Variants in GEN1 observed in about 807,000 individuals in gnomAD.
The protein encoded by GEN1 is GEN1 structure-specific endonuclease, also known as flap endonuclease GEN homolog 1.
Under a neutral mutation model 67.6 loss-of-function variants are expected in GEN1, and 64 were observed. The observed-to-expected ratio is 0.95, with a 90% CI of 0.77 to 1.17. The LOEUF (loss-of-function observed/expected upper bound fraction) is 1.17, where lower values mean the gene tolerates loss of function less well. Among genes scored for constraint, GEN1 ranks in the 50% most tolerant of loss-of-function variants. GEN1 has a pLI of 0.00. For synonymous variants in GEN1, 371 were observed against 359.4 expected, an observed-to-expected ratio of 1.03 and a Z score of -0.37; for missense variants, 1,058 against 1,048.3, an observed-to-expected ratio of 1.01 and a Z score of -0.13.
intron 11 of GEN1, among the ~76,000 whole-genome samples, chr2:17,774,778 A>AG (rs772822205): frequency 2.0e-5 from 3 of 151,768 alleles, no homozygotes; most frequent in Non-Finnish European, 4.4e-5. Context: ...ATCGCTTCAG[A>AG]GAAAAAAAAA....
intron 3 of GEN1, among the ~76,000 whole-genome samples, chr2:17,762,094 T>C (rs2125122707): frequency 6.6e-6 from 1 of 151,792 alleles, no homozygotes; most frequent in East Asian, 1.9e-4. Flanking sequence ...TATATGTTAC[T>C]TTAATATTGC....
intron 1 of GEN1, chr2:17,755,355 C>G (rs1671371726): frequency 6.6e-6 from 1 of 152,196 alleles, no homozygotes; most frequent in African/African-American, 2.4e-5. Flanking sequence ...TGCAGTCTCA[C>G]TTACCCTACT....
chr2:17,773,862 TGACAGCCACATTAAGAAC>T (rs1355525500), intron 10 of GEN1, among the ~76,000 whole-genome samples: 2 of 152,118 alleles, frequency 1.3e-5, no homozygotes, highest in South Asian at 2.1e-4. Context: ...CTGTAAGTAA[TGACAGCCACATTAAGAAC>T]GACAGCCACA....
chr2:17,780,158 C>G, intron 13 of GEN1, 37 bp downstream of exon 13: 1 of 1,557,448 alleles, frequency 6.4e-7, no homozygotes, highest in Non-Finnish European at 8.8e-7. Context: ...ATGCCACATG[C>G]AAATGTTATA....
intron 3 of GEN1, among the ~76,000 whole-genome samples, chr2:17,762,127 CTT>C (rs1000760787): frequency 2.0e-5 from 3 of 149,074 alleles, no homozygotes; most frequent in Non-Finnish European, 4.4e-5. Context: ...TTGTATGAAA[CTT>C]AAGAAAGAAA....
intron 3 of GEN1, among the ~76,000 whole-genome samples, chr2:17,764,238 A>G (rs555095898): frequency 6.6e-6 from 1 of 152,358 alleles, no homozygotes; most frequent in East Asian, 1.9e-4. Flanking sequence ...TTCATTGTAC[A>G]GGGAAGGCAA....
chr2:17,781,805 A>T lies in GEN1; in HGVS notation c.2593A>T (p.Ser865Cys). The T allele has an allele frequency of 1.2e-6, 2 of 1,612,570 alleles. No homozygotes were observed. The highest frequency in any genetic ancestry group is 1.7e-6 in the Non-Finnish European group (2 of 1,179,398). ...RSYETAENEE[S>C]CFPDSTKSSL... ...TTATGAAACAGCTGAAAATGAAGAAAGCTGTTTCCCAGATTCAACAAAAAG... is the reference window on the plus strand; with the variant it reads ...TTATGAAACAGCTGAAAATGAAGAATGCTGTTTCCCAGATTCAACAAAAAG... Residue 865 changes from serine (S) to cysteine (C), a missense_variant, in exon 14 of 14, where the codon AGC becomes TGC. Transcript: ENST00000381254.
intron 1 of GEN1, chr2:17,755,873 G>C (rs1008833014): frequency 2.0e-5 from 3 of 152,076 alleles, no homozygotes. Context: ...AAGCTTATTA[G>C]CTTTTAAGGA....
intron 11 of GEN1, among the ~76,000 whole-genome samples, chr2:17,777,577 C>T (rs1283203859): frequency 1.4e-4 from 22 of 152,080 alleles, no homozygotes; most frequent in Non-Finnish European, 1.5e-5. Flanking sequence ...GCAGATTAAA[C>T]TCACCTATTA....
At position 17,785,506 on chromosome 2, in the gene GEN1, C is replaced by T. The variant is rs1444536153; in HGVS notation, c.*3567C>T. 1 of 152,316 alleles carries T rather than the reference C, an allele frequency of 6.6e-6. No homozygotes were observed. The highest frequency in any genetic ancestry group is 1.5e-5 in the Non-Finnish European group (1 of 68,112). 9.4% of individuals were successfully genotyped at this position (152,316 alleles called of 1,614,324 possible). A position where few individuals can be genotyped will look rare whatever the true frequency, so the allele number is the denominator to read the frequency against. On this transcript the variant is annotated 3_prime_UTR_variant, in exon 14 of 14. Transcript: ENST00000381254. ...TGTAATTGGTTTCTTTCTGATGGCT[C>T]CATGCTAAGGCCCTGCTCTGGCCTA...
intron 6 of GEN1, among the ~76,000 whole-genome samples, chr2:17,770,452 T>A (rs575750500): frequency 1.8e-4 from 28 of 152,224 alleles, no homozygotes; most frequent in African/African-American, 6.7e-4. Context: ...CACAATGACC[T>A]GAAGAGATAA....
Position 17,782,990 on chromosome 2 carries a change from C to T in GEN1, c.*1051C>T, listed in dbSNP as rs977032841. 3 of 152,160 alleles carry T rather than the reference C, an allele frequency of 2.0e-5. No homozygotes were observed. Among genetic ancestry groups the T allele is most frequent in the Non-Finnish European group, 2.9e-5 (2 of 68,026 alleles). The allele number at this position is 152,160 out of a possible 1,614,324, so 9.4% of individuals were successfully genotyped here. ...GAAATCCACTAGAAAACTATTAAAACTGATAAAGCGAGTTCATCCAGGTCG... is the reference window on the plus strand; with the variant it reads ...GAAATCCACTAGAAAACTATTAAAATTGATAAAGCGAGTTCATCCAGGTCG... On this transcript the variant is annotated 3_prime_UTR_variant, in exon 14 of 14. Coordinates refer to ENST00000381254, the MANE Select transcript of GEN1 (RefSeq NM_001130009.3).
intron 6 of GEN1, among the ~76,000 whole-genome samples, chr2:17,770,384 T>C (rs1362664316): frequency 2.0e-5 from 3 of 152,212 alleles, no homozygotes; most frequent in African/African-American, 7.2e-5. Context: ...TTGGTCTTTG[T>C]AGTAAATGAA....
intron 1 of GEN1, among the ~76,000 whole-genome samples, chr2:17,758,459 T>A (rs558562083): frequency 2.6e-5 from 4 of 152,342 alleles, no homozygotes; most frequent in Admixed American, 1.3e-4. Flanking sequence ...ATAATGACTT[T>A]GAGAATATTT....
At chr2:17,766,538 T>C (rs1458813232) in intron 4 of GEN1, 41 bp from the exon 5 acceptor site, 4 of 1,007,914 alleles carry the variant, frequency 4.0e-6, no homozygotes, top group Admixed American at 3.9e-5. Flanking sequence ...TGTATAAATA[T>C]GTACTTTTTG....
At chr2:17,761,664 C>A in intron 3 of GEN1, 82 bp downstream of exon 3, 1 of 927,730 alleles carries the variant, frequency 1.1e-6, no homozygotes, top group Non-Finnish European at 1.6e-6. Context: ...ATCTTTAATA[C>A]TTATTAATTT....
intron 3 of GEN1, among the ~76,000 whole-genome samples, chr2:17,764,245 G>T (rs574914386): frequency 1.8e-4 from 27 of 152,298 alleles, no homozygotes; most frequent in African/African-American, 6.3e-4. Flanking sequence ...TACAGGGAAG[G>T]CAAGATGAGA....
Position 17,773,281 on chromosome 2 carries a change from T to C in GEN1, c.1053T>C (p.Pro351=), listed in dbSNP as rs535694415. Residue 351 remains proline, a synonymous_variant, in exon 10 of 14, where the codon CCT becomes CCC. Coordinates refer to ENST00000381254, the MANE Select transcript of GEN1 (RefSeq NM_001130009.3). ...TGAAGGTTATCAGGTACCAAAGACC[T>C]GATTTGTTATTGTTTCAGGTATCTG... ...KLVKVIRYQR[P]DLLLFQRFTL... 1.9e-6 allele frequency: 3 copies of C among 1,590,034 alleles called. No individual in the cohort carries two copies. The Admixed American group carries it at 5.1e-5, about 27-fold the overall frequency.
intron 11 of GEN1, among the ~76,000 whole-genome samples, chr2:17,776,199 CT>C (rs1422317568): frequency 2.6e-5 from 4 of 151,094 alleles, no homozygotes; most frequent in Non-Finnish European, 5.9e-5. Context: ...GAAAAACGTT[CT>C]GTGGAGCTAT....
Sources: gnomAD v4.1 joint callset for allele counts (sites outside exome capture counted in the v4.1 genomes callset) on GRCh38, gnomAD v4.1.1 for gene constraint, MANE v1.5 for transcripts, NCBI Gene and HGNC (gene_info 2026-07-23, HGNC 2026-07-21) for gene names.